KSR1: variants seen among roughly 807,000 people sequenced by gnomAD.
The protein encoded by KSR1 is kinase suppressor of ras.
A neutral mutation model predicts 92.9 loss-of-function variants in KSR1; 35 were observed. The observed-to-expected ratio is 0.38, with a 90% CI of 0.29 to 0.50. The LOEUF (loss-of-function observed/expected upper bound fraction) is 0.50, where lower values mean the gene tolerates loss of function less well. Among genes scored for constraint, KSR1 ranks in the 20% least tolerant of loss-of-function variants. The pLI is 0.94. For missense variants in KSR1, 972 were observed against 1,158.5 expected (o/e 0.84, Z 2.34); for synonymous variants, 467 against 472.6 (o/e 0.99, Z 0.15).
chr17:27,582,350 G>A (rs888881486), intron 3 of KSR1, among the ~76,000 whole-genome samples: 1 of 152,206 alleles, frequency 6.6e-6, no homozygotes, highest in African/African-American at 2.4e-5. Context: ...TTTCCTGTGA[G>A]TGTCATGTCG....
chr17:27,515,152 G>A (rs555603102), intron 1 of KSR1, among the ~76,000 whole-genome samples: 145 of 152,316 alleles, frequency 9.5e-4, no homozygotes, highest in Non-Finnish European at 1.8e-3. Flanking sequence ...TTCATAGAAA[G>A]CGAATTTATA....
intron 2 of KSR1, among the ~76,000 whole-genome samples, chr17:27,553,837 G>C (rs2071492468): frequency 6.6e-6 from 1 of 152,240 alleles, no homozygotes; most frequent in South Asian, 2.1e-4. Context: ...CCTTGGTTCA[G>C]TTCTACCTCT....
At position 27,577,557 on chromosome 17, in the gene KSR1, G is replaced by A. The variant is rs767284385; in HGVS notation, c.438G>A (p.Thr146=). ...LEMNEAKVKE[T]LRRCGASGDE... is the part of the protein sequence containing the mutation. Reference sequence around the variant, plus strand: ...TGAATGAGGCCAAGGTGAAGGAGACGCTGCGGCGCTGTGGGGCCAGCGGGG... The same window carrying A: ...TGAATGAGGCCAAGGTGAAGGAGACACTGCGGCGCTGTGGGGCCAGCGGGG... The change falls in exon 3 of 21, where the codon ACG becomes ACA. Residue 146 remains threonine (T), a synonymous_variant. Transcript: ENST00000644974. The surrounding 1 kb of genome is among the most constrained non-coding windows in gnomAD (Gnocchi z 4.5). 2.6e-5 allele frequency: 42 copies of A among 1,605,532 alleles called. No homozygotes were observed. The highest frequency in any genetic ancestry group is 1.5e-4 in the African/African-American group (11 of 74,840).
chr17:27,550,818 C>T, intron 2 of KSR1, 110 bp downstream of exon 2: 2 of 644,266 alleles, frequency 3.1e-6, no homozygotes, highest in South Asian at 3.4e-5. Context: ...GGTTGATGCT[C>T]TCTAGTCTTG....
intron 1 of KSR1, among the ~76,000 whole-genome samples, chr17:27,510,186 T>C (rs1260830562): frequency 3.9e-5 from 6 of 152,246 alleles, no homozygotes; most frequent in Non-Finnish European, 8.8e-5. Flanking sequence ...TGATCCTTTC[T>C]TCTGAGGGCC....
At chr17:27,566,532 G>A (rs947135221) in intron 2 of KSR1, 2 of 399,026 alleles carry the variant, frequency 5.0e-6, no homozygotes, top group Non-Finnish European at 8.8e-6. Context: ...GATGCCAAGA[G>A]AAGCCCGAGG....
chr17:27,585,480 A>G (rs1387487116), intron 4 of KSR1, among the ~76,000 whole-genome samples, 177 bp from the exon 5 acceptor site: 2 of 152,044 alleles, frequency 1.3e-5, no homozygotes, highest in African/African-American at 2.4e-5. Context: ...CATTGAGGAA[A>G]TGTCCCCACA....
At chr17:27,548,276 T>C (rs1044477247) in intron 1 of KSR1, among the ~76,000 whole-genome samples, 2 of 151,460 alleles carry the variant, frequency 1.3e-5, no homozygotes, top group Non-Finnish European at 2.9e-5. Flanking sequence ...TAAATGAAAG[T>C]ATTGTTCTTT....
intron 1 of KSR1, among the ~76,000 whole-genome samples, chr17:27,543,986 T>C (rs770492558): frequency 2.6e-5 from 4 of 152,162 alleles, no homozygotes; most frequent in Non-Finnish European, 5.9e-5. Flanking sequence ...AGGGAGGTAA[T>C]AAGAGAGAAC....
At chr17:27,501,548 A>C (rs1015128414) in intron 1 of KSR1, among the ~76,000 whole-genome samples, 4 of 152,172 alleles carry the variant, frequency 2.6e-5, no homozygotes, top group African/African-American at 9.7e-5. Flanking sequence ...GGGCAAGCCC[A>C]GGACCCTGCT....
intron 1 of KSR1, among the ~76,000 whole-genome samples, chr17:27,540,653 C>T (rs961796970): frequency 2.0e-5 from 3 of 152,210 alleles, no homozygotes; most frequent in African/African-American, 7.2e-5. Context: ...TGTACTTTCT[C>T]CTCTCCTTGC....
At chr17:27,488,167 A>G (rs2068722862) in intron 1 of KSR1, among the ~76,000 whole-genome samples, 1 of 152,226 alleles carries the variant, frequency 6.6e-6, no homozygotes, top group Admixed American at 6.5e-5. Flanking sequence ...GAATTGTGAA[A>G]TATCATACAT....
At chr17:27,564,236 C>G (rs541957111) in intron 2 of KSR1, among the ~76,000 whole-genome samples, 1 of 152,316 alleles carries the variant, frequency 6.6e-6, no homozygotes, top group East Asian at 1.9e-4. Flanking sequence ...GATGATCTGC[C>G]TGCCTCGGCC....
intron 9 of KSR1, 66 bp downstream of exon 9, chr17:27,592,692 T>G: frequency 7.4e-7 from 1 of 1,344,356 alleles, no homozygotes; most frequent in Non-Finnish European, 1.0e-6. Context: ...AAAGCACCCC[T>G]GCCTCAGAGG....
At chr17:27,491,222 T>G (rs2068814076) in intron 1 of KSR1, among the ~76,000 whole-genome samples, 1 of 151,966 alleles carries the variant, frequency 6.6e-6, no homozygotes, top group South Asian at 2.1e-4. Flanking sequence ...ACTCCTGGGC[T>G]CAAGTGATCC....
At chr17:27,525,245 T>A (rs2070212701) in intron 1 of KSR1, among the ~76,000 whole-genome samples, 1 of 152,308 alleles carries the variant, frequency 6.6e-6, no homozygotes, top group Non-Finnish European at 1.5e-5. Context: ...GTCAAGCAGG[T>A]TGTGCACTGC....
intron 1 of KSR1, among the ~76,000 whole-genome samples, chr17:27,497,662 C>G (rs1429529007): frequency 6.6e-6 from 1 of 152,198 alleles, no homozygotes; most frequent in Non-Finnish European, 1.5e-5. Context: ...ATACTAGTGT[C>G]TCCTTTATGG....
At chr17:27,523,259 T>C (rs867417585) in intron 1 of KSR1, among the ~76,000 whole-genome samples, 2 of 152,266 alleles carry the variant, frequency 1.3e-5, no homozygotes, top group African/African-American at 4.8e-5. Context: ...TAAATGACGG[T>C]TTACACAGTG....
rs1255451522 is a variant in KSR1, at chr17:27,582,888, C to A, written c.763C>A (p.His255Asn). The A allele has an allele frequency of 6.2e-7, 1 of 1,613,136 alleles. No individual in the cohort carries two copies. The highest frequency in any genetic ancestry group is 8.5e-7 in the Non-Finnish European group (1 of 1,179,524). ...CCTCTCAGACACCTGTATTCCCCTG[C>A]ACGCCAGCGGCCGGCTGACCCCCCG... ...EGLSDTCIPL[H>N]ASGRLTPRAL... Residue 255 changes from histidine to asparagine, a missense_variant, in exon 4 of 21, where the codon CAC (histidine) becomes AAC (asparagine). Around this residue, in one of 5 missense-constraint regions of KSR1, gnomAD observed 611 missense variants for 668.0 expected, o/e 0.91. Transcript: ENST00000644974.
Sources: allele counts gnomAD v4.1 joint callset (sites outside exome capture counted in the v4.1 genomes callset), GRCh38; gene constraint gnomAD v4.1.1; regional missense constraint gnomAD v4.1.1; non-coding constraint Gnocchi (gnomAD v3.1); transcripts MANE v1.5; gene names NCBI Gene and HGNC (gene_info 2026-07-23, HGNC 2026-07-21).